The following GSTZ1 variants were observed in gnomAD, a reference collection of about 807,000 sequenced individuals.
GSTZ1 encodes maleylacetoacetate isomerase.
GSTZ1 carries 34 observed loss-of-function variants against 35.9 expected under a neutral mutation model. The ratio of observed to expected loss-of-function variants is 0.95; its 90% confidence interval spans 0.72 to 1.26. The LOEUF (loss-of-function observed/expected upper bound fraction) is 1.26. GSTZ1 is among the 50% of genes most tolerant of loss of function. GSTZ1 has a pLI of 0.00. For synonymous variants in GSTZ1, 93 were observed against 101.2 expected, an observed-to-expected ratio of 0.92 and a Z score of 0.49; for missense variants, 263 against 271.7, an observed-to-expected ratio of 0.97 and a Z score of 0.23.
At chr14:77,329,982 A>G (rs1407032999) in intron 7 of GSTZ1, 175 bp downstream of exon 7, 1 of 653,690 alleles carries the variant, frequency 1.5e-6, no homozygotes, top group African/African-American at 1.8e-5. Context: ...TCAAGGTAGA[A>G]GACTGGCTGT....
Position 77,330,600 on chromosome 14 carries a change from C to T in GSTZ1, c.524+241C>T, listed in dbSNP as rs542306835. Among the ~76,000 whole-genome samples, 5 of 152,308 alleles carry T rather than the reference C, an allele frequency of 3.3e-5. No individual in the cohort carries two copies. The East Asian group carries it at 7.7e-4, about 24-fold the overall frequency. ...AGCCCCAGCTCCTAAGAGGAGGTGGCTCACCTGGTGGACCCCCAAGAGCAC... is the reference window on the plus strand; with the variant it reads ...AGCCCCAGCTCCTAAGAGGAGGTGGTTCACCTGGTGGACCCCCAAGAGCAC... On this transcript the variant is annotated intron_variant, in intron 8 of 8. Transcript: ENST00000216465.
rs369473025 is a variant in GSTZ1, at chr14:77,321,283, A to G, written c.15+100A>G. ...GCTGCACCGCCCGCCCAGGCCGACA[A>G]CGACTCCCGGCATGCAGTGCTTTGC... On this transcript the variant is annotated intron_variant, in intron 1 of 8. Coordinates refer to ENST00000216465, the MANE Select transcript of GSTZ1 (RefSeq NM_145870.3). 31 of 1,522,268 alleles carry G rather than the reference A, an allele frequency of 2.0e-5. No homozygotes were observed. In the Middle Eastern group the frequency reaches 6.8e-4, roughly 33 times the overall value. 94.3% of individuals were successfully genotyped at this position (1,522,268 alleles called of 1,614,324 possible).
In GSTZ1 at chr14:77,331,265, ACG is replaced by A; in HGVS notation, c.*71_*72del. ...CTGGGTGGGCTGAAGAGGCCTGGAA[ACG>A]AGAGTCTTAATTGAGGAGATGGGAG... is the stretch of plus-strand genomic sequence containing the variant. On this transcript the variant is annotated 3_prime_UTR_variant, in exon 9 of 9. Transcript: ENST00000216465. 1 of 1,530,370 alleles carries A rather than the reference ACG, an allele frequency of 6.5e-7. No homozygotes were observed. Among genetic ancestry groups the A allele is most frequent in the Non-Finnish European group, 8.8e-7 (1 of 1,133,224 alleles). The allele number at this position is 1,530,370 out of a possible 1,614,324, so 94.8% of individuals were successfully genotyped here.
At chr14:77,328,268 G>A (rs1333737365) in intron 5 of GSTZ1, 4 of 541,684 alleles carry the variant, frequency 7.4e-6, no homozygotes, top group Non-Finnish European at 1.3e-5. Context: ...AAGGACGCAT[G>A]TACAGGTGCT....
chr14:77,321,609 C>T (rs544893275), intron 1 of GSTZ1: 73 of 1,049,596 alleles, frequency 7.0e-5, no homozygotes, highest in Middle Eastern at 2.5e-4. Context: ...CCGGGCCGGG[C>T]GCGGTGGCTC....
At position 77,321,072 on chromosome 14, in the gene GSTZ1, C is replaced by T; in HGVS notation, c.-97C>T. 10 of 1,255,988 alleles carry T rather than the reference C, an allele frequency of 8.0e-6. No individual in the cohort carries two copies. The highest frequency in any genetic ancestry group is 3.1e-5 in the Admixed American group (1 of 32,016). 77.8% of individuals were successfully genotyped at this position (1,255,988 alleles called of 1,614,324 possible). A position where few individuals can be genotyped will look rare whatever the true frequency, so the allele number is the denominator to read the frequency against. On this transcript the variant is annotated 5_prime_UTR_variant, in exon 1 of 9. It adds an upstream start codon to the 5' untranslated region. Coordinates refer to ENST00000216465, the MANE Select transcript of GSTZ1 (RefSeq NM_145870.3). ...CCTCGCTTTACCCGGACGAAAGACA[C>T]GGGCCTGATTCGTCGAGTCTCACTG...
chr14:77,324,576 C>A (rs761811154), intron 1 of GSTZ1: 1 of 1,532,744 alleles, frequency 6.5e-7, no homozygotes, highest in South Asian at 1.2e-5. Flanking sequence ...GGGGACATTT[C>A]CTGGGAGGCT....
rs1461302379 is a variant in GSTZ1 at position 77,322,588 on chromosome 14, G to T, written c.15+1405G>T. The T allele has an allele frequency of 8.1e-6, 8 of 984,546 alleles. No individual in the cohort carries two copies. The African/African-American group carries it at 1.2e-4, about 15-fold the overall frequency. 61.0% of individuals were successfully genotyped at this position (984,546 alleles called of 1,614,324 possible). On this transcript the variant is annotated intron_variant, in intron 1 of 8. Coordinates refer to ENST00000216465, the MANE Select transcript of GSTZ1 (RefSeq NM_145870.3). Reference sequence around the variant, plus strand: ...CTGTCCCTTGGCACCAGGAGTCCCTGTAGCCTGGCTAGGTAAGGAAAGGGA... The same window carrying T: ...CTGTCCCTTGGCACCAGGAGTCCCTTTAGCCTGGCTAGGTAAGGAAAGGGA...
At chr14:77,321,501 C>T (rs72681249) in intron 1 of GSTZ1, 42,517 of 1,393,766 alleles carry the variant, frequency 0.031, 765 homozygotes, top group Non-Finnish European at 0.036. Flanking sequence ...GGCTTCCAAA[C>T]GTCGCCCCAA....
intron 5 of GSTZ1, chr14:77,328,314 A>G: frequency 2.1e-6 from 1 of 471,338 alleles, no homozygotes; most frequent in Non-Finnish European, 3.9e-6. Context: ...CAGGGGAGAG[A>G]CTGAGCAGGC....
chr14:77,328,944 C>A lies in GSTZ1; in HGVS notation c.343-179C>A, dbSNP rs41285488. 1.1e-3 allele frequency: 634 copies of A among 594,032 alleles called. 1 individual carries two copies. Among genetic ancestry groups the A allele is most frequent in the Admixed American group, 2.2e-3 (78 of 35,124 alleles). The allele number at this position is 594,032 out of a possible 1,614,324, so 36.8% of individuals were successfully genotyped here. On this transcript the variant is annotated intron_variant, in intron 5 of 8. Coordinates refer to ENST00000216465, the MANE Select transcript of GSTZ1 (RefSeq NM_145870.3). ...CCTGCAAAGGTGGCTGCTGGGATGG[C>A]TACCTCCCTCCAACCTCAGGGCCCT...
intron 5 of GSTZ1, 150 bp from the exon 6 acceptor site, chr14:77,328,973 T>A (rs1316519160): frequency 4.5e-6 from 3 of 672,012 alleles, no homozygotes; most frequent in Admixed American, 2.2e-5. Context: ...GGGCCCTTGG[T>A]TGAAGGAAGG....
In GSTZ1 at chr14:77,321,058, C is replaced by A; in HGVS notation, c.-111C>A. On this transcript the variant is annotated 5_prime_UTR_variant, in exon 1 of 9. Transcript: ENST00000216465. ...TTTCTAGTCCAGCCCCTCGCTTTAC[C>A]CGGACGAAAGACACGGGCCTGATTC... 2 of 1,195,684 alleles carry A rather than the reference C, an allele frequency of 1.7e-6. No individual in the cohort carries two copies. The highest frequency in any genetic ancestry group is 2.3e-6 in the Non-Finnish European group (2 of 876,938). The allele number at this position is 1,195,684 out of a possible 1,614,324, so 74.1% of individuals were successfully genotyped here. A position where few individuals can be genotyped will look rare whatever the true frequency, so the allele number is the denominator to read the frequency against.
chr14:77,330,447 C>T (rs566043910), intron 8 of GSTZ1, 88 bp downstream of exon 8: 52 of 1,089,272 alleles, frequency 4.8e-5, no homozygotes, highest in South Asian at 2.1e-4. Context: ...CTCATGCAGA[C>T]GCTTCGCCAA....
rs769220098 is a variant in GSTZ1 at position 77,329,077 on chromosome 14, C to T, written c.343-46C>T. On this transcript the variant is annotated intron_variant, in intron 5 of 8. Transcript: ENST00000216465. ...AGGGGGTTTGGCGAAGGGGTAGCCC[C>T]CACCCAGCTGTCAGCGCAATCACAG... is the stretch of plus-strand genomic sequence containing the variant. The T allele has an allele frequency of 5.8e-6, 8 of 1,368,026 alleles. No individual in the cohort carries two copies. In the African/African-American group the frequency reaches 1.0e-4, roughly 17 times the overall value. The allele number at this position is 1,368,026 out of a possible 1,614,324, so 84.7% of individuals were successfully genotyped here.
rs925098807 is a variant in GSTZ1 at position 77,329,907 on chromosome 14, G to A, written c.474+100G>A. 7 of 892,906 alleles carry A rather than the reference G, an allele frequency of 7.8e-6. No individual in the cohort carries two copies. In the African/African-American group the frequency reaches 9.8e-5, roughly 13 times the overall value. 55.3% of individuals were successfully genotyped at this position (892,906 alleles called of 1,614,324 possible). On this transcript the variant is annotated intron_variant, in intron 7 of 8. Transcript: ENST00000216465. The stretch of plus-strand genomic sequence containing the variant: ...AGCTTCCTGAGAAGGCGTCTGCAGG[G>A]GGATCTCTGTGCCATGGGGCACTCC...
intron 4 of GSTZ1, 114 bp from the exon 5 acceptor site, chr14:77,327,798 G>A (rs1860107198): frequency 4.9e-6 from 5 of 1,028,710 alleles, no homozygotes; most frequent in South Asian, 4.3e-5. Context: ...GAAGCAGGGG[G>A]GAAGAGGTGT....
rs1481296297 is a variant in GSTZ1, at chr14:77,324,980, G to T, written c.67+59G>T. On this transcript the variant is annotated intron_variant, in intron 2 of 8. Coordinates refer to ENST00000216465, the MANE Select transcript of GSTZ1 (RefSeq NM_145870.3). The stretch of plus-strand genomic sequence containing the variant: ...GAGTGGGGTGGACTGGGGCGGATAA[G>T]CCCGGGTGCAAAGCTGGCCTGGGAT... 4.2e-6 allele frequency: 6 copies of T among 1,430,172 alleles called. No individual in the cohort carries two copies. The African/African-American group carries it at 7.0e-5, about 17-fold the overall frequency. The allele number at this position is 1,430,172 out of a possible 1,614,324, so 88.6% of individuals were successfully genotyped here. A position where few individuals can be genotyped will look rare whatever the true frequency, so the allele number is the denominator to read the frequency against.
rs2139574674 is a variant in GSTZ1, at chr14:77,327,285, TCAG to T, written c.136-179_136-177del. The stretch of plus-strand genomic sequence containing the variant: ...AGGCTGTTAGGATGAAGCCTATGGC[TCAG>T]CAGCAGCTGGGCTTTGGGAGACTGC... On this transcript the variant is annotated intron_variant, in intron 3 of 8. Transcript: ENST00000216465. 4 of 615,818 alleles carry T rather than the reference TCAG, an allele frequency of 6.5e-6. No individual in the cohort carries two copies. The Admixed American group carries it at 1.1e-4, about 18-fold the overall frequency. The allele number at this position is 615,818 out of a possible 1,614,324, so 38.1% of individuals were successfully genotyped here. A position where few individuals can be genotyped will look rare whatever the true frequency, so the allele number is the denominator to read the frequency against.
Sources: allele counts gnomAD v4.1 joint callset (sites outside exome capture counted in the v4.1 genomes callset), GRCh38; gene constraint gnomAD v4.1.1; transcripts MANE v1.5; gene names NCBI Gene and HGNC (gene_info 2026-07-23, HGNC 2026-07-21).